Variants in NCKAP1L observed in about 807,000 individuals in gnomAD.
The protein encoded by NCKAP1L is nck-associated protein 1-like.
A neutral mutation model predicts 139.2 loss-of-function variants in NCKAP1L; 53 were observed. That is an observed-to-expected ratio of 0.38 (90% CI 0.31 to 0.48). The LOEUF is 0.48. NCKAP1L is among the 20% of genes least tolerant of loss of function. NCKAP1L has a pLI of 0.98. For synonymous variants in NCKAP1L, 468 were observed against 499.7 expected (o/e 0.94, Z 0.85); for missense variants, 1,151 against 1,381.9 (o/e 0.83, Z 2.65).
At position 54,509,578 on chromosome 12, in the gene NCKAP1L, C is replaced by T. The variant is rs1956870312; in HGVS notation, c.507-91C>T. ...TTTGGAGGTGGTGGGGAGTGCCAGCCTATGCACATATCTTTATCCTATATG... is the reference window on the plus strand; with the variant it reads ...TTTGGAGGTGGTGGGGAGTGCCAGCTTATGCACATATCTTTATCCTATATG... On this transcript the variant is annotated intron_variant, in intron 5 of 30. Coordinates refer to ENST00000293373, the MANE Select transcript of NCKAP1L (RefSeq NM_005337.5). 5.8e-6 allele frequency: 5 copies of T among 866,670 alleles called. No homozygotes were observed. The Admixed American group carries it at 7.4e-5, about 13-fold the overall frequency. The allele number at this position is 866,670 out of a possible 1,614,324, so 53.7% of individuals were successfully genotyped here.
chr12:54,521,864 C>T (rs1956985618), intron 18 of NCKAP1L, among the ~76,000 whole-genome samples: 1 of 150,296 alleles, frequency 6.7e-6, no homozygotes, highest in African/African-American at 2.4e-5. Context: ...TTGAGTCAGG[C>T]TTGGTAAAGG....
At chr12:54,533,360 A>G (rs1429784818) in intron 26 of NCKAP1L, among the ~76,000 whole-genome samples, 1 of 152,184 alleles carries the variant, frequency 6.6e-6, no homozygotes, top group Non-Finnish European at 1.5e-5. Context: ...GAGGAGCAAG[A>G]AGATTAGAAG....
chr12:54,510,085 T>G, intron 7 of NCKAP1L, 100 bp downstream of exon 7: 2 of 1,428,102 alleles, frequency 1.4e-6, no homozygotes, highest in Non-Finnish European at 1.9e-6. Context: ...TACTAAAGAA[T>G]GCTTTAGTCT....
At chr12:54,518,778 C>A in intron 14 of NCKAP1L, 46 bp downstream of exon 14, 1 of 1,542,996 alleles carries the variant, frequency 6.5e-7, no homozygotes, top group Non-Finnish European at 9.0e-7. Context: ...TGAGGATGAA[C>A]ATCTTTTATC....
intron 3 of NCKAP1L, among the ~76,000 whole-genome samples, chr12:54,506,792 A>ATATATATATATATATAT (rs1555170876): frequency 3.5e-4 from 8 of 23,154 alleles, no homozygotes; most frequent in East Asian, 8.8e-3. Flanking sequence ...TATTAAAAAA[A>ATATATATATATATATAT]AAAAATATAT....
chr12:54,538,397 G>A (rs1957130049), intron 29 of NCKAP1L, among the ~76,000 whole-genome samples: 1 of 152,180 alleles, frequency 6.6e-6, no homozygotes. Context: ...AATGAATCAT[G>A]TTTCTTCTTT....
intron 28 of NCKAP1L, 72 bp downstream of exon 28, chr12:54,536,317 G>C: frequency 9.1e-7 from 1 of 1,101,342 alleles, no homozygotes; most frequent in Non-Finnish European, 1.4e-6. Flanking sequence ...AGGAGACAGA[G>C]ATACTGGAAA....
At chr12:54,527,987 G>C (rs1049485778) in intron 21 of NCKAP1L, among the ~76,000 whole-genome samples, 2 of 152,208 alleles carry the variant, frequency 1.3e-5, no homozygotes, top group African/African-American at 4.8e-5. Flanking sequence ...TTGAGGGAGG[G>C]GAGTGCATGC....
rs753373327 is a variant in NCKAP1L, at chr12:54,523,503, C to T, written c.1988C>T (p.Ala663Val). 1.9e-6 allele frequency: 3 copies of T among 1,614,006 alleles called. No individual in the cohort carries two copies. The highest frequency in any genetic ancestry group is 4.5e-5 in the East Asian group (2 of 44,880). ...GAGCCCGAGAGGGACAAGCCAGGAGCTGAGAGTCACCGGAAGAACCGCAGC... is the reference window on the plus strand; with the variant it reads ...GAGCCCGAGAGGGACAAGCCAGGAGTTGAGAGTCACCGGAAGAACCGCAGC... Reference protein sequence around the residue: ...KGEPERDKPGAESHRKNRSIV... With the variant: ...KGEPERDKPGVESHRKNRSIV... Residue 663 changes from alanine to valine, a missense_variant, in exon 19 of 31, where the codon GCT (alanine) becomes GTT (valine). Ala to Val is a moderately conservative substitution (Grantham distance 64). Coordinates refer to ENST00000293373, the MANE Select transcript of NCKAP1L (RefSeq NM_005337.5).
chr12:54,506,621 A>G (rs1285728099), intron 3 of NCKAP1L, among the ~76,000 whole-genome samples: 1 of 146,674 alleles, frequency 6.8e-6, no homozygotes, highest in Admixed American at 6.8e-5. Context: ...TTTAGTAGAG[A>G]TGGGGTTTTG....
chr12:54,518,563 C>A (rs1956952863), intron 13 of NCKAP1L, 88 bp from the exon 14 acceptor site: 1 of 1,010,990 alleles, frequency 9.9e-7, no homozygotes, highest in Non-Finnish European at 1.6e-6. Flanking sequence ...ATTCTTTCTA[C>A]CTTCATACGC....
rs1053173014 is a variant in NCKAP1L at position 54,545,360 on chromosome 12, T to C, written c.*2675T>C. On this transcript the variant is annotated 3_prime_UTR_variant, in exon 31 of 31. Coordinates refer to ENST00000293373, the MANE Select transcript of NCKAP1L (RefSeq NM_005337.5). Reference sequence around the variant, plus strand: ...AAGGTCACATGTTTAGCAGTAGAACTAGAACTGGGACCCAAGTCTGATGTT... The same window carrying C: ...AAGGTCACATGTTTAGCAGTAGAACCAGAACTGGGACCCAAGTCTGATGTT... 2.0e-5 allele frequency: 3 copies of C among 152,234 alleles called. No homozygotes were observed. Among genetic ancestry groups the C allele is most frequent in the Non-Finnish European group, 4.4e-5 (3 of 68,034 alleles). The allele number at this position is 152,234 out of a possible 1,614,324, so 9.4% of individuals were successfully genotyped here. A position where few individuals can be genotyped will look rare whatever the true frequency, so the allele number is the denominator to read the frequency against.
chr12:54,518,108 A>G (rs1956948684), intron 13 of NCKAP1L, among the ~76,000 whole-genome samples, 170 bp downstream of exon 13: 1 of 152,134 alleles, frequency 6.6e-6, no homozygotes, highest in Non-Finnish European at 1.5e-5. Flanking sequence ...TGGGAGGCCT[A>G]GGCGGGCAGA....
At chr12:54,527,057 C>T (rs932073252) in intron 21 of NCKAP1L, among the ~76,000 whole-genome samples, 8 of 152,302 alleles carry the variant, frequency 5.3e-5, no homozygotes, top group African/African-American at 1.9e-4. Context: ...TTCAAATGAT[C>T]TCTCTTCCTC....
chr12:54,508,425 T>G lies in NCKAP1L; in HGVS notation c.400T>G (p.Leu134Val). ...NFDFTRSYLD[L>V]IVTYTSVILL... is the part of the protein sequence containing the mutation. ...TGATTTCACTCGGAGTTACCTGGACTTGATTGTAACTTACACCTCAGTCAT... is the reference window on the plus strand; with the variant it reads ...TGATTTCACTCGGAGTTACCTGGACGTGATTGTAACTTACACCTCAGTCAT... The change falls in exon 5 of 31, where the codon TTG becomes GTG. Residue 134 changes from leucine (L) to valine (V), a missense_variant. Transcript: ENST00000293373. 6.2e-7 allele frequency: 1 copy of G among 1,614,048 alleles called. No homozygotes were observed. Among genetic ancestry groups the G allele is most frequent in the Non-Finnish European group, 8.5e-7 (1 of 1,179,872 alleles).
At chr12:54,509,274 T>TAC (rs1565673859) in intron 5 of NCKAP1L, among the ~76,000 whole-genome samples, 5 of 152,190 alleles carry the variant, frequency 3.3e-5, no homozygotes, top group Admixed American at 6.5e-5. Context: ...CCCACATGCC[T>TAC]ACGTGGATAC....
chr12:54,538,418 G>A (rs1957130244), intron 29 of NCKAP1L, among the ~76,000 whole-genome samples: 1 of 152,186 alleles, frequency 6.6e-6, no homozygotes, highest in African/African-American at 2.4e-5. Context: ...GATCCTTTGG[G>A]GGTTTGGGGA....
chr12:54,533,851 T>C (rs1016107743), intron 26 of NCKAP1L, among the ~76,000 whole-genome samples: 4 of 152,264 alleles, frequency 2.6e-5, no homozygotes, highest in African/African-American at 9.6e-5. Context: ...ATTACAGGCA[T>C]GAGCCATTGC....
chr12:54,529,591 C>A (rs1957052227), intron 22 of NCKAP1L, among the ~76,000 whole-genome samples: 2 of 152,162 alleles, frequency 1.3e-5, no homozygotes, highest in Non-Finnish European at 2.9e-5. Context: ...ATCATCCCGC[C>A]TCCATCAGTA....
Sources: allele counts gnomAD v4.1 joint callset (sites outside exome capture counted in the v4.1 genomes callset), GRCh38; gene constraint gnomAD v4.1.1; transcripts MANE v1.5; gene names NCBI Gene and HGNC (gene_info 2026-07-23, HGNC 2026-07-21).